The following TRIM2 variants were observed in gnomAD, a reference collection of about 807,000 sequenced individuals.
TRIM2 encodes tripartite motif containing 2.
In TRIM2, 20 loss-of-function variants were observed where a neutral mutation model predicts 75.2. The observed-to-expected ratio is 0.27, with a 90% CI of 0.19 to 0.39. TRIM2 has a LOEUF of 0.39. TRIM2 is among the 10% of genes least tolerant of loss of function. The pLI is 1.00. For missense variants in TRIM2, 660 were observed against 990.8 expected, an observed-to-expected ratio of 0.67 and a Z score of 4.48; for synonymous variants, 373 against 388.3, an observed-to-expected ratio of 0.96 and a Z score of 0.46.
intron 1 of TRIM2, among the ~76,000 whole-genome samples, chr4:153,184,125 T>TG (rs1167889500): frequency 6.6e-6 from 1 of 152,048 alleles, no homozygotes; most frequent in African/African-American, 2.4e-5. Flanking sequence ...TTCTAGCTCA[T>TG]GGGGGAGACA....
chr4:153,184,246 G>A (rs79528924), intron 1 of TRIM2, among the ~76,000 whole-genome samples: 26 of 152,240 alleles, frequency 1.7e-4, no homozygotes, highest in South Asian at 4.2e-4. Flanking sequence ...GAAGGTCAGG[G>A]TGTCAGTGTG....
At chr4:153,193,298 AT>A (rs200485811) in intron 1 of TRIM2, among the ~76,000 whole-genome samples, 4,388 of 151,696 alleles carry the variant, frequency 0.029, 196 homozygotes, top group African/African-American at 0.098. Flanking sequence ...CGCCAGGCTA[AT>A]TTTTTGTATT....
intron 1 of TRIM2, among the ~76,000 whole-genome samples, chr4:153,211,017 T>C (rs1163113129): frequency 6.6e-6 from 1 of 152,114 alleles, no homozygotes; most frequent in Non-Finnish European, 1.5e-5. Flanking sequence ...GATGGGGCAA[T>C]GGCAGCCTAC....
At chr4:153,163,045 AT>A (rs1342374684) in intron 1 of TRIM2, among the ~76,000 whole-genome samples, 8 of 152,370 alleles carry the variant, frequency 5.3e-5, no homozygotes, top group African/African-American at 1.9e-4. Context: ...TGGGAAAAAA[AT>A]AACCTTTACC....
chr4:153,185,946 T>G, intron 1 of TRIM2, among the ~76,000 whole-genome samples: 1 of 152,218 alleles, frequency 6.6e-6, no homozygotes, highest in African/African-American at 2.4e-5. Context: ...CAACTATTGC[T>G]GACTGCTCCT....
chr4:153,174,995 T>C (rs1731261670), intron 1 of TRIM2, among the ~76,000 whole-genome samples: 2 of 123,428 alleles, frequency 1.6e-5, no homozygotes, highest in Non-Finnish European at 3.5e-5. Context: ...TTGTTGTTGT[T>C]GTTTTGTTTT....
At chr4:153,221,340 A>G (rs2149752079) in intron 1 of TRIM2, among the ~76,000 whole-genome samples, 1 of 152,262 alleles carries the variant, frequency 6.6e-6, no homozygotes, top group South Asian at 2.1e-4. Context: ...AGATGTGAAG[A>G]TCGCTTGAGC....
intron 1 of TRIM2, among the ~76,000 whole-genome samples, chr4:153,162,142 G>A (rs13137391): frequency 0.45 from 67,758 of 151,962 alleles, 16,195 homozygotes; most frequent in Non-Finnish European, 0.55. Flanking sequence ...TTACTGCTTG[G>A]CATATAGTAC....
chr4:153,154,578 C>A (rs573890466), intron 1 of TRIM2, among the ~76,000 whole-genome samples: 24 of 152,256 alleles, frequency 1.6e-4, no homozygotes, highest in African/African-American at 5.8e-4. Flanking sequence ...TTCTTTTAAC[C>A]TGACATTGGA....
Position 153,315,842 on chromosome 4 carries a change from A to G in TRIM2, c.1625A>G (p.Asn542Ser), listed in dbSNP as rs374300347. 15 of 1,614,044 alleles carry G rather than the reference A, an allele frequency of 9.3e-6. No individual in the cohort carries two copies. Among genetic ancestry groups the G allele is most frequent in the Admixed American group, 5.0e-5 (3 of 59,994 alleles). ...SNNQCVQIFS[N>S]DGQFKSRFGI... ...TAATTTATCTTACAGATATTTTCCA[A>G]TGATGGCCAGTTCAAAAGTCGTTTT... Residue 542 changes from asparagine to serine, a missense_variant, in exon 8 of 12, where the codon AAT becomes AGT. Asn to Ser is a conservative substitution (Grantham distance 46). This residue lies in a region of TRIM2 where 620 missense variants were observed against 891.0 expected (regional missense o/e 0.70). Coordinates refer to ENST00000338700, the MANE Select transcript of TRIM2 (RefSeq NM_015271.5).
chr4:153,167,560 G>A (rs553964712), intron 1 of TRIM2, among the ~76,000 whole-genome samples: 1 of 152,306 alleles, frequency 6.6e-6, no homozygotes, highest in Non-Finnish European at 1.5e-5. Flanking sequence ...CAGTTTTCAT[G>A]TTTGACTTTA....
intron 1 of TRIM2, among the ~76,000 whole-genome samples, chr4:153,238,668 G>C (rs1745648273): frequency 6.6e-6 from 1 of 152,176 alleles, no homozygotes; most frequent in Non-Finnish European, 1.5e-5. Context: ...AAGACTTGTT[G>C]TAAGGCAACA....
chr4:153,262,927 G>A (rs186616564), intron 1 of TRIM2, among the ~76,000 whole-genome samples: 21 of 152,268 alleles, frequency 1.4e-4, no homozygotes, highest in Admixed American at 1.2e-3. Context: ...TTGTGAAGGC[G>A]CTTTCATGTA....
chr4:153,262,620 C>T (rs561289683), intron 1 of TRIM2, among the ~76,000 whole-genome samples: 25 of 152,240 alleles, frequency 1.6e-4, no homozygotes, highest in Middle Eastern at 3.4e-3. Flanking sequence ...AGGAATCTTG[C>T]GACCTGTGGC....
chr4:153,220,178 G>A (rs576239195), intron 1 of TRIM2, among the ~76,000 whole-genome samples: 1 of 152,234 alleles, frequency 6.6e-6, no homozygotes, highest in South Asian at 2.1e-4. Flanking sequence ...AAGGCCACTG[G>A]TAACTGCTCA....
intron 1 of TRIM2, among the ~76,000 whole-genome samples, chr4:153,173,433 G>C (rs1331777902): frequency 1.3e-5 from 2 of 148,382 alleles, no homozygotes; most frequent in African/African-American, 5.0e-5. Flanking sequence ...GGAGGCCGAG[G>C]GGGGTGGATT....
chr4:153,297,684 T>G (rs186629657), intron 6 of TRIM2, among the ~76,000 whole-genome samples: 99 of 152,250 alleles, frequency 6.5e-4, no homozygotes, highest in African/African-American at 2.1e-3. Flanking sequence ...CCCAGTCTAC[T>G]CCCCTAGGCC....
intron 1 of TRIM2, among the ~76,000 whole-genome samples, chr4:153,178,527 T>A (rs1270268731): frequency 1.3e-5 from 2 of 152,198 alleles, no homozygotes; most frequent in Non-Finnish European, 2.9e-5. Context: ...ATTTTGCAGT[T>A]TGAGAGAGGG....
chr4:153,188,769 A>G (rs182789446), intron 1 of TRIM2, among the ~76,000 whole-genome samples: 24 of 151,944 alleles, frequency 1.6e-4, no homozygotes, highest in African/African-American at 5.8e-4. Context: ...AAAAGGAAGG[A>G]TGAGGAAACA....
Sources: gnomAD v4.1 joint callset for allele counts (sites outside exome capture counted in the v4.1 genomes callset) on GRCh38, gnomAD v4.1.1 for gene constraint, gnomAD v4.1.1 regional missense constraint, MANE v1.5 for transcripts, NCBI Gene and HGNC (gene_info 2026-07-23, HGNC 2026-07-21) for gene names.